Variants in SEMA4D observed in about 807,000 individuals in gnomAD.
The protein encoded by SEMA4D is semaphorin-4D.
In SEMA4D, 22 loss-of-function variants were observed where a neutral mutation model predicts 74.8. That is an observed-to-expected ratio of 0.29 (90% CI 0.21 to 0.42). The LOEUF is 0.42. Among genes scored for constraint, SEMA4D ranks in the 10% least tolerant of loss-of-function variants. SEMA4D has a pLI of 1.00. For missense variants in SEMA4D, 937 were observed against 1,118.4 expected (o/e 0.84, Z 2.31); for synonymous variants, 445 against 463.7 (o/e 0.96, Z 0.52).
intron 16 of SEMA4D, chr9:89,364,311 CAT>C (rs776412465): frequency 9.5e-5 from 35 of 368,504 alleles, no homozygotes; most frequent in African/African-American, 2.3e-4. Flanking sequence ...CTGCCACACA[CAT>C]GTCCTGTGAC....
chr9:89,386,119 T>A, intron 13 of SEMA4D: 1 of 976,814 alleles, frequency 1.0e-6, no homozygotes, highest in Non-Finnish European at 1.2e-6. Flanking sequence ...CACCAACAAC[T>A]CAATGACATT....
At chr9:89,444,177 C>T (rs1372222391) in intron 2 of SEMA4D, among the ~76,000 whole-genome samples, 9 of 152,228 alleles carry the variant, frequency 5.9e-5, no homozygotes, top group Admixed American at 5.9e-4. Context: ...TCTGCGTCCA[C>T]CTGGTGGTCT....
chr9:89,370,967 G>T (rs1834535921), intron 16 of SEMA4D, among the ~76,000 whole-genome samples: 1 of 130,354 alleles, frequency 7.7e-6, no homozygotes, highest in South Asian at 2.6e-4. Context: ...CTGGGGTAGG[G>T]TGTGTATCTG....
intron 13 of SEMA4D, among the ~76,000 whole-genome samples, chr9:89,382,788 G>A (rs1433722181): frequency 6.6e-6 from 1 of 152,196 alleles, no homozygotes; most frequent in African/African-American, 2.4e-5. Context: ...CACCTGCGAG[G>A]TGGCGTGAAC....
intron 1 of SEMA4D, among the ~76,000 whole-genome samples, chr9:89,478,404 C>T (rs1170965176): frequency 1.3e-5 from 2 of 152,158 alleles, no homozygotes; most frequent in African/African-American, 4.8e-5. Context: ...AGGGAAGAAG[C>T]AGGACGGAGG....
chr9:89,412,648 G>C (rs1844784083), intron 2 of SEMA4D, among the ~76,000 whole-genome samples: 1 of 152,156 alleles, frequency 6.6e-6, no homozygotes, highest in Non-Finnish European at 1.5e-5. Context: ...CAGGTCTGCA[G>C]TGTATTGATC....
intron 4 of SEMA4D, among the ~76,000 whole-genome samples, chr9:89,402,482 CACG>C (rs1434295869): frequency 1.3e-5 from 2 of 152,064 alleles, no homozygotes; most frequent in Non-Finnish European, 2.9e-5. Context: ...TGATTATTTG[CACG>C]ACAAGGGGCC....
chr9:89,442,384 C>T (rs1047666832), intron 2 of SEMA4D, among the ~76,000 whole-genome samples: 5 of 152,162 alleles, frequency 3.3e-5, no homozygotes. Flanking sequence ...CTCTGTTAAA[C>T]ATGGCAGCTT....
At chr9:89,486,987 A>G (rs1335234548) in intron 1 of SEMA4D, among the ~76,000 whole-genome samples, 1 of 152,142 alleles carries the variant, frequency 6.6e-6, no homozygotes, top group Non-Finnish European at 1.5e-5. Context: ...CTATTCAAAA[A>G]TAGTAAGAGG....
At chr9:89,362,273 G>A in exon 19 of SEMA4D, 1 of 1,540,604 alleles carries the variant, frequency 6.5e-7, no homozygotes, top group Non-Finnish European at 9.0e-7. Flanking sequence ...CAATGGCTGT[G>A]TTCAGAGCAG....
chr9:89,488,380 T>TTG (rs869113565), intron 1 of SEMA4D, among the ~76,000 whole-genome samples: 1 of 143,620 alleles, frequency 7.0e-6, no homozygotes, highest in Non-Finnish European at 1.5e-5. Flanking sequence ...TTTTTTTTTT[T>TTG]GAGAACAGAG....
Position 89,364,509 on chromosome 9 carries a change from C to A in SEMA4D, c.1883-559G>T, listed in dbSNP as rs117028774. ...GATGCCACAGGCTGGAGAGCTCAGA[C>A]CCTGGCAGGGGCCAGGCCCTGCAGA... On this transcript the variant is annotated intron_variant, in intron 16 of 18. Coordinates refer to the SEMA4D transcript ENST00000339861. The A allele has an allele frequency of 6.5e-3, 1,203 of 184,422 alleles. 13 individuals are homozygous for A. Among genetic ancestry groups the A allele is most frequent in the Non-Finnish European group, 0.01 (861 of 85,470 alleles). 11.4% of individuals were successfully genotyped at this position (184,422 alleles called of 1,614,324 possible). A position where few individuals can be genotyped will look rare whatever the true frequency, so the allele number is the denominator to read the frequency against.
intron 13 of SEMA4D, chr9:89,385,053 T>A (rs1019846862): frequency 1.0e-6 from 1 of 984,884 alleles, no homozygotes; most frequent in Admixed American, 6.1e-5. Flanking sequence ...ACCCACTGGC[T>A]CCTCCTCCTG....
At position 89,413,553 on chromosome 9, in the gene SEMA4D, C is replaced by T. The variant is rs118138734; in HGVS notation, c.-243-7854G>A. On this transcript the variant is annotated intron_variant, in intron 2 of 15. Coordinates refer to ENST00000422704, the MANE Select transcript of SEMA4D (RefSeq NM_001371194.2). ...ATATGTGCACCTATCCATGTTTGTA[C>T]ATTTGTACACATCTGTACAGGTGTG... Among the ~76,000 whole-genome samples the T allele has an allele frequency of 2.6e-4, 39 of 152,316 alleles. No individual in the cohort carries two copies. The East Asian group carries it at 7.1e-3, about 28-fold the overall frequency.
At chr9:89,476,387 C>T (rs1472459420) in intron 1 of SEMA4D, among the ~76,000 whole-genome samples, 2 of 152,200 alleles carry the variant, frequency 1.3e-5, no homozygotes, top group African/African-American at 2.4e-5. Flanking sequence ...GATATCTGGC[C>T]AATCATTATT....
intron 2 of SEMA4D, chr9:89,449,995 C>G (rs1853955979): frequency 6.5e-7 from 1 of 1,537,814 alleles, no homozygotes; most frequent in African/African-American, 1.4e-5. Flanking sequence ...ATTAAGGCAG[C>G]TCACCGTTGT....
downstream of SEMA4D, chr9:89,377,082 G>A (rs1367522526): frequency 2.6e-6 from 4 of 1,510,418 alleles, no homozygotes; most frequent in African/African-American, 2.8e-5. Flanking sequence ...AAAAGAGAGG[G>A]CACTGAGGAA....
downstream of SEMA4D, chr9:89,376,770 G>T: frequency 6.8e-7 from 1 of 1,479,356 alleles, no homozygotes; most frequent in Non-Finnish European, 9.1e-7. Context: ...GCCCCCGCCC[G>T]CCCCCCACCT....
At position 89,443,588 on chromosome 9, in the gene SEMA4D, G is replaced by C. The variant is rs555505705; in HGVS notation, c.-244+12300C>G. On this transcript the variant is annotated intron_variant, in intron 2 of 15. Coordinates refer to ENST00000422704, the MANE Select transcript of SEMA4D (RefSeq NM_001371194.2). Reference sequence around the variant, plus strand: ...AGAGGAGGATCTGCCTGGGGTAGGCGGGTGGCGGACGGCCCTGGCCCTGCA... The same window carrying C: ...AGAGGAGGATCTGCCTGGGGTAGGCCGGTGGCGGACGGCCCTGGCCCTGCA... Among the ~76,000 whole-genome samples the C allele has an allele frequency of 2.0e-4, 30 of 152,204 alleles. 1 individual carries two copies. The highest frequency in any genetic ancestry group is 2.9e-5 in the Non-Finnish European group (2 of 68,040).
Sources: allele counts gnomAD v4.1 joint callset (sites outside exome capture counted in the v4.1 genomes callset), GRCh38; gene constraint gnomAD v4.1.1; transcripts MANE v1.5; gene names NCBI Gene and HGNC (gene_info 2026-07-23, HGNC 2026-07-21).